The following UIMC1 variants were observed in gnomAD, a reference collection of about 807,000 sequenced individuals.
UIMC1 encodes BRCA1-A complex subunit RAP80.
In UIMC1, 42 loss-of-function variants were observed where a neutral mutation model predicts 84.9. The observed-to-expected ratio is 0.49, with a 90% confidence interval of 0.39 to 0.64. UIMC1 has a LOEUF of 0.64. Among genes scored for constraint, UIMC1 ranks in the 30% least tolerant of loss-of-function variants. The pLI is 0.00. For missense variants in UIMC1, 825 were observed against 847.6 expected, an observed-to-expected ratio of 0.97 and a Z score of 0.33; for synonymous variants, 281 against 293.0, an observed-to-expected ratio of 0.96 and a Z score of 0.42.
At chr5:176,985,263 C>T (rs1292254668) in intron 1 of UIMC1, among the ~76,000 whole-genome samples, 2 of 151,910 alleles carry the variant, frequency 1.3e-5, no homozygotes, top group Admixed American at 1.3e-4. Flanking sequence ...GGAGACTATC[C>T]TGGCCAACAT....
Position 176,919,546 on chromosome 5 carries a change from G to A in UIMC1, c.1598-8157C>T, listed in dbSNP as rs368855993. Among the ~76,000 whole-genome samples, 16 of 152,194 alleles carry A rather than the reference G, an allele frequency of 1.1e-4. 1 individual carries two copies. The highest frequency in any genetic ancestry group is 3.9e-4 in the African/African-American group (16 of 41,518). ...AAGGTGTCAACTGTGTTGCCCAGGT[G>A]GGACTCTAAGGATCCTCCTGCCTCA... On this transcript the variant is annotated intron_variant, in intron 10 of 14. Transcript: ENST00000511320.
At chr5:176,969,465 T>A in intron 5 of UIMC1, 136 bp downstream of exon 5, 1 of 1,267,284 alleles carries the variant, frequency 7.9e-7, no homozygotes, top group Non-Finnish European at 1.1e-6. Context: ...TCTTATGATC[T>A]CAACTACTTC....
At chr5:176,989,206 T>G (rs562089048) in intron 1 of UIMC1, among the ~76,000 whole-genome samples, 1 of 152,264 alleles carries the variant, frequency 6.6e-6, no homozygotes, top group Non-Finnish European at 1.5e-5. Flanking sequence ...AAAAAAACAC[T>G]TAAAGGATTA....
chr5:176,989,653 C>A (rs982139265), intron 1 of UIMC1, among the ~76,000 whole-genome samples: 1 of 149,480 alleles, frequency 6.7e-6, no homozygotes, highest in Non-Finnish European at 1.5e-5. Flanking sequence ...CAAGACCCTG[C>A]CTCAAAAAAA....
At chr5:176,921,343 T>C (rs1235255947) in intron 10 of UIMC1, among the ~76,000 whole-genome samples, 3 of 152,152 alleles carry the variant, frequency 2.0e-5, no homozygotes, top group Non-Finnish European at 2.9e-5. Flanking sequence ...CATCAATTTT[T>C]CCCTCTTTTT....
chr5:176,907,322 AG>A (rs1187001411), intron 12 of UIMC1, 145 bp from the exon 13 acceptor site: 1 of 724,606 alleles, frequency 1.4e-6, no homozygotes, highest in African/African-American at 1.8e-5. Flanking sequence ...CTAATAAACG[AG>A]GGTTTCACAA....
At chr5:176,947,723 C>T (rs1373854179) in intron 9 of UIMC1, among the ~76,000 whole-genome samples, 2 of 151,474 alleles carry the variant, frequency 1.3e-5, no homozygotes, top group Non-Finnish European at 2.9e-5. Context: ...GAGGCTGAGG[C>T]AGGAGAATGA....
chr5:177,019,928 T>TAA (rs36095013), intron 1 of UIMC1, among the ~76,000 whole-genome samples: 196 of 145,988 alleles, frequency 1.3e-3, no homozygotes, highest in African/African-American at 3.1e-3. Flanking sequence ...ACTCCGTCTA[T>TAA]AAAAAAAAAA....
intron 1 of UIMC1, among the ~76,000 whole-genome samples, chr5:177,002,720 C>T (rs1022436341): frequency 2.6e-5 from 4 of 152,098 alleles, no homozygotes; most frequent in African/African-American, 9.7e-5. Flanking sequence ...ATGGCATGAA[C>T]CCAGGAGGCG....
At chr5:176,950,530 T>G (rs944069138) in intron 9 of UIMC1, among the ~76,000 whole-genome samples, 1 of 152,078 alleles carries the variant, frequency 6.6e-6, no homozygotes, top group Non-Finnish European at 1.5e-5. Context: ...TTAAAAATTT[T>G]TAAAGGAATT....
chr5:176,907,189 A>G lies in UIMC1; in HGVS notation c.1849-12T>C. ...CTGTGGCCTTTTTCCTGTAACAGAG[A>G]AAAACAGATGAAAAGGTTACTTCAT... On this transcript the variant is annotated splice_polypyrimidine_tract_variant and intron_variant, in intron 12 of 14. Transcript: ENST00000511320. 1 of 1,611,084 alleles carries G rather than the reference A, an allele frequency of 6.2e-7. No individual in the cohort carries two copies. The highest frequency in any genetic ancestry group is 1.1e-5 in the South Asian group (1 of 90,532).
chr5:176,970,529 T>C (rs1769050493), intron 4 of UIMC1: 1 of 641,806 alleles, frequency 1.6e-6, no homozygotes, highest in Admixed American at 2.9e-5. Flanking sequence ...ATCCATGGGG[T>C]GGAAGAAAAC....
intron 2 of UIMC1, among the ~76,000 whole-genome samples, chr5:176,978,283 G>A (rs1770464966): frequency 6.6e-6 from 1 of 152,046 alleles, no homozygotes; most frequent in African/African-American, 2.4e-5. Flanking sequence ...TGAGGCAGGA[G>A]AATGGTGTAA....
At chr5:176,986,806 G>T (rs1772094707) in intron 1 of UIMC1, among the ~76,000 whole-genome samples, 1 of 151,886 alleles carries the variant, frequency 6.6e-6, no homozygotes, top group African/African-American at 2.4e-5. Context: ...TTATACTTAG[G>T]GTTCTAGGCA....
intron 10 of UIMC1, among the ~76,000 whole-genome samples, chr5:176,935,057 C>A (rs1425879469): frequency 6.6e-6 from 1 of 152,156 alleles, no homozygotes; most frequent in Non-Finnish European, 1.5e-5. Context: ...GTCCTATATA[C>A]CACAAGGGGG....
At chr5:176,921,022 G>A (rs1280758757) in intron 10 of UIMC1, among the ~76,000 whole-genome samples, 5 of 152,094 alleles carry the variant, frequency 3.3e-5, no homozygotes, top group Admixed American at 2.6e-4. Context: ...CTTTTTCTGT[G>A]TCCATTTAGA....
At chr5:176,937,980 CAGG>C (rs1465959949) in intron 10 of UIMC1, among the ~76,000 whole-genome samples, 1 of 151,942 alleles carries the variant, frequency 6.6e-6, no homozygotes, top group African/African-American at 2.4e-5. Flanking sequence ...CACTTGAGCC[CAGG>C]AGTTCAAGAC....
chr5:176,943,585 CAA>C, intron 9 of UIMC1, 97 bp from the exon 10 acceptor site: 3 of 1,420,328 alleles, frequency 2.1e-6, no homozygotes, highest in East Asian at 2.3e-5. Context: ...CACTTACTTT[CAA>C]AGAGACAACA....
At chr5:177,001,518 C>G (rs973023450) in intron 1 of UIMC1, 2 of 151,996 alleles carry the variant, frequency 1.3e-5, no homozygotes, top group Non-Finnish European at 2.9e-5. Context: ...GAGCACAGAA[C>G]GTTATCTTAG....
Sources: gnomAD v4.1 joint callset for allele counts (sites outside exome capture counted in the v4.1 genomes callset) on GRCh38, gnomAD v4.1.1 for gene constraint, MANE v1.5 for transcripts, NCBI Gene and HGNC (gene_info 2026-07-23, HGNC 2026-07-21) for gene names.